STAP1: variants seen among roughly 807,000 people sequenced by gnomAD.
STAP1 encodes the protein signal-transducing adaptor protein 1.
A neutral mutation model predicts 37.8 loss-of-function variants in STAP1; 30 were observed. The observed-to-expected ratio is 0.79, with a 90% CI of 0.59 to 1.08. The LOEUF (loss-of-function observed/expected upper bound fraction) is 1.08, where lower values mean the gene tolerates loss of function less well. STAP1 is among the 50% of genes least tolerant of loss of function. The pLI is 0.00. For missense variants in STAP1, 357 were observed against 349.4 expected (o/e 1.02, Z -0.17); for synonymous variants, 130 against 116.0 (o/e 1.12, Z -0.78).
chr4:67,596,916 G>T (rs575193077), intron 8 of STAP1, among the ~76,000 whole-genome samples: 108 of 152,304 alleles, frequency 7.1e-4, no homozygotes, highest in African/African-American at 2.4e-3. Flanking sequence ...CTGACCATGT[G>T]GTAGAAAAGA....
chr4:67,592,348 T>G (rs1728137257), intron 7 of STAP1, among the ~76,000 whole-genome samples: 1 of 152,208 alleles, frequency 6.6e-6, no homozygotes, highest in Non-Finnish European at 1.5e-5. Context: ...TGATTTCATT[T>G]GTATAAAAAT....
intron 1 of STAP1, among the ~76,000 whole-genome samples, chr4:67,563,065 CTT>C (rs1440241468): frequency 6.6e-6 from 1 of 152,012 alleles, no homozygotes; most frequent in Admixed American, 6.5e-5. Flanking sequence ...GGAAGAGAAA[CTT>C]AACTGGAGCT....
chr4:67,598,646 AG>A (rs1211667384), intron 8 of STAP1, among the ~76,000 whole-genome samples: 2 of 152,074 alleles, frequency 1.3e-5, no homozygotes, highest in Non-Finnish European at 2.9e-5. Context: ...TTTCCTATTG[AG>A]TTATTGAACT....
intron 1 of STAP1, among the ~76,000 whole-genome samples, chr4:67,564,159 T>C (rs1396529340): frequency 6.6e-6 from 1 of 152,146 alleles, no homozygotes; most frequent in African/African-American, 2.4e-5. Context: ...TGAATATAAG[T>C]TTGGTCTGTC....
At position 67,578,233 on chromosome 4, in the gene STAP1, C is replaced by T. The variant is rs3775865; in HGVS notation, c.363+974C>T. On this transcript the variant is annotated intron_variant, in intron 4 of 8. Transcript: ENST00000265404. ...TGTAGCAATTGCCTTGGAAACATGACGTTCTTTGATAACCAGCCTCCCAAG... is the reference window on the plus strand; with the variant it reads ...TGTAGCAATTGCCTTGGAAACATGATGTTCTTTGATAACCAGCCTCCCAAG... Among the ~76,000 whole-genome samples, 219 of 152,246 alleles carry T rather than the reference C, an allele frequency of 1.4e-3. 1 individual carries two copies. The highest frequency in any genetic ancestry group is 0.013 in the East Asian group (67 of 5,176).
intron 4 of STAP1, among the ~76,000 whole-genome samples, chr4:67,580,938 C>T: frequency 6.6e-6 from 1 of 152,124 alleles, no homozygotes; most frequent in East Asian, 1.9e-4. Context: ...GAGTGAGGTA[C>T]CTTGAAGGTG....
rs368927452 is a variant in STAP1 at position 67,585,437 on chromosome 4, G to C, written c.659+1735G>C. Among the ~76,000 whole-genome samples the C allele has an allele frequency of 3.9e-5, 6 of 152,268 alleles. No individual in the cohort carries two copies. The South Asian group carries it at 1.2e-3, about 32-fold the overall frequency. ...ACAGCCCAATAAGCTTTATTCACTT[G>C]CCAGTAAACAGATCCTTGTCTTATA... On this transcript the variant is annotated intron_variant, in intron 6 of 8. Transcript: ENST00000265404.
intron 1 of STAP1, among the ~76,000 whole-genome samples, chr4:67,561,048 G>A (rs546165855): frequency 2.0e-5 from 3 of 152,176 alleles, no homozygotes; most frequent in Non-Finnish European, 4.4e-5. Context: ...GATAGCATAT[G>A]TAAAACACCT....
intron 6 of STAP1, among the ~76,000 whole-genome samples, chr4:67,584,621 G>T (rs1476357607): frequency 1.3e-5 from 2 of 152,192 alleles, no homozygotes; most frequent in East Asian, 3.9e-4. Flanking sequence ...TGAAGGAAGT[G>T]AGAAAATAAA....
intron 8 of STAP1, among the ~76,000 whole-genome samples, chr4:67,605,547 A>G (rs538148860): frequency 2.0e-5 from 3 of 152,334 alleles, no homozygotes; most frequent in South Asian, 4.1e-4. Flanking sequence ...GGGGAATGAC[A>G]TAAGAACAGA....
chr4:67,576,852 T>C (rs1187731345), intron 3 of STAP1, among the ~76,000 whole-genome samples: 5 of 152,188 alleles, frequency 3.3e-5, no homozygotes, highest in African/African-American at 1.2e-4. Flanking sequence ...GAATTGGAAG[T>C]TTCTACTATC....
intron 8 of STAP1, among the ~76,000 whole-genome samples, chr4:67,600,737 T>C (rs1560468312): frequency 3.3e-5 from 5 of 152,184 alleles, no homozygotes; most frequent in Non-Finnish European, 5.9e-5. Context: ...TTCATCATTA[T>C]ATAATGACCT....
intron 8 of STAP1, among the ~76,000 whole-genome samples, chr4:67,598,159 A>T (rs1264449463): frequency 6.6e-6 from 1 of 152,110 alleles, no homozygotes; most frequent in Non-Finnish European, 1.5e-5. Context: ...GAGTTCTCAC[A>T]AGATCTGATG....
chr4:67,562,614 A>AAG (rs1727374743), intron 1 of STAP1, among the ~76,000 whole-genome samples: 1 of 150,138 alleles, frequency 6.7e-6, no homozygotes, highest in Admixed American at 6.6e-5. Context: ...AAAAAAAAAA[A>AAG]AAAAAAAATT....
At chr4:67,569,862 TG>T (rs763635789) in intron 1 of STAP1, among the ~76,000 whole-genome samples, 5 of 152,150 alleles carry the variant, frequency 3.3e-5, no homozygotes, top group Non-Finnish European at 7.4e-5. Context: ...CCTGAGTAGT[TG>T]GGATTACAGG....
chr4:67,590,745 A>ATTTTTTTTTTTTTTTTTTTTTTTTTT (rs66493617), intron 6 of STAP1, 139 bp from the exon 7 acceptor site: 1 of 200,246 alleles, frequency 5.0e-6, no homozygotes, highest in Non-Finnish European at 9.2e-6. Flanking sequence ...ACCACGAAGG[A>ATTTTTTTTTTTTTTTTTTTTTTTTTT]TTTTTTTTTT....
chr4:67,561,750 A>AT (rs1355265611), intron 1 of STAP1, among the ~76,000 whole-genome samples: 4 of 152,028 alleles, frequency 2.6e-5, no homozygotes, highest in Admixed American at 6.6e-5. Flanking sequence ...AAAATTTCTC[A>AT]TTTTTTCTGG....
chr4:67,572,108 T>C (rs1352112886), intron 2 of STAP1, among the ~76,000 whole-genome samples: 1 of 152,194 alleles, frequency 6.6e-6, no homozygotes, highest in Non-Finnish European at 1.5e-5. Flanking sequence ...TCAGACAGCC[T>C]GCCTGGGTGT....
chr4:67,586,720 C>G (rs2109868514), intron 6 of STAP1, among the ~76,000 whole-genome samples: 1 of 152,274 alleles, frequency 6.6e-6, no homozygotes, highest in South Asian at 2.1e-4. Flanking sequence ...GAGTTCATAT[C>G]AAAGTTGCAT....
Sources: allele counts gnomAD v4.1 joint callset (sites outside exome capture counted in the v4.1 genomes callset), GRCh38; gene constraint gnomAD v4.1.1; transcripts MANE v1.5; gene names NCBI Gene and HGNC (gene_info 2026-07-23, HGNC 2026-07-21).